The following EP400 variants were observed in gnomAD, a reference collection of about 807,000 sequenced individuals.
The protein encoded by EP400 is E1A-binding protein p400.
In EP400, 105 loss-of-function variants were observed where a neutral mutation model predicts 354.1. The observed-to-expected ratio is 0.30, with a 90% CI of 0.25 to 0.35. The LOEUF is 0.35. Among genes scored for constraint, EP400 ranks in the 10% least tolerant of loss-of-function variants. The pLI is 1.00. For synonymous variants in EP400, 1,646 were observed against 1,716.9 expected (o/e 0.96, Z 1.02); for missense variants, 3,280 against 4,121.0 (o/e 0.80, Z 5.59).
chr12:132,056,406 C>T (rs1225397562), intron 45 of EP400, among the ~76,000 whole-genome samples: 1 of 150,228 alleles, frequency 6.7e-6, no homozygotes, highest in South Asian at 2.1e-4. Flanking sequence ...GAAATAGACC[C>T]CTCCCCAACA....
At chr12:131,964,739 C>T (rs891247827) in intron 2 of EP400, among the ~76,000 whole-genome samples, 5 of 152,114 alleles carry the variant, frequency 3.3e-5, no homozygotes, top group African/African-American at 9.7e-5. Flanking sequence ...ATATCCTATT[C>T]TTTTATCTGT....
intron 30 of EP400, among the ~76,000 whole-genome samples, chr12:132,032,443 C>T (rs574958811): frequency 1.7e-4 from 26 of 152,308 alleles, no homozygotes; most frequent in Admixed American, 7.8e-4. Flanking sequence ...TGATGCTGCT[C>T]ACACAAGTCA....
Position 132,062,135 on chromosome 12 carries a change from A to G in EP400, c.7910A>G (p.Gln2637Arg), listed in dbSNP as rs1452420522. Residue 2637 changes from glutamine to arginine, a missense_variant, in exon 46 of 53, where the codon CAG becomes CGG. Coordinates refer to ENST00000389561, the MANE Select transcript of EP400 (RefSeq NM_015409.5). ...LTTPGGSAPA[Q>R]VVHTQPPPRA... ...ACGCCGGGAGGCTCTGCTCCCGCCC[A>G]GGTGGTGCACACCCAGCCCCCGCCA... 5.6e-6 allele frequency: 9 copies of G among 1,613,464 alleles called. No individual in the cohort carries two copies. The highest frequency in any genetic ancestry group is 1.7e-5 in the Admixed American group (1 of 59,982).
chr12:132,065,128 G>A (rs888412292), intron 48 of EP400: 11 of 707,868 alleles, frequency 1.6e-5, no homozygotes, highest in Admixed American at 1.5e-4. Context: ...TGAATTGAGG[G>A]GGGTGGAGAG....
Position 132,050,519 on chromosome 12 carries a change from G to C in EP400, c.7337+60G>C. ...TGACTGAGTAGATTGCGTGAAGCTTGGTTTTGATGTGTTTTTAACATACCC... is the reference window on the plus strand; with the variant it reads ...TGACTGAGTAGATTGCGTGAAGCTTCGTTTTGATGTGTTTTTAACATACCC... On this transcript the variant is annotated intron_variant, in intron 40 of 52. Transcript: ENST00000389561. The surrounding 1 kb of genome is among the most constrained non-coding windows in gnomAD (Gnocchi z 4.8). 6.2e-7 allele frequency: 1 copy of C among 1,612,776 alleles called. No homozygotes were observed. The highest frequency in any genetic ancestry group is 8.5e-7 in the Non-Finnish European group (1 of 1,178,914).
Position 131,982,119 on chromosome 12 carries a change from G to C in EP400, c.1570G>C (p.Ala524Pro). 6.5e-7 allele frequency: 1 copy of C among 1,545,128 alleles called. No homozygotes were observed. Among genetic ancestry groups the C allele is most frequent in the Non-Finnish European group, 8.7e-7 (1 of 1,145,048 alleles). The change falls in exon 5 of 53, where the codon GCG becomes CCG. Residue 524 changes from alanine to proline, a missense_variant. Ala to Pro is a conservative substitution (Grantham distance 27). Coordinates refer to ENST00000389561, the MANE Select transcript of EP400 (RefSeq NM_015409.5). Reference protein sequence around the residue: ...QGGMPPTPQAAQLAGQRQSQQ... With the variant: ...QGGMPPTPQAPQLAGQRQSQQ... Reference sequence around the variant, plus strand: ...AGGAATGCCCCCCACGCCGCAGGCCGCGCAGCTCGCTGGACAGAGGCAGAG... The same window carrying C: ...AGGAATGCCCCCCACGCCGCAGGCCCCGCAGCTCGCTGGACAGAGGCAGAG...
chr12:132,006,377 T>C, intron 14 of EP400, 75 bp downstream of exon 14: 1 of 1,501,900 alleles, frequency 6.7e-7, no homozygotes. Flanking sequence ...GAGAAAAGCT[T>C]TTCCTCTTCC....
Position 131,982,308 on chromosome 12 carries a change from C to G in EP400, c.1759C>G (p.Gln587Glu). Reference protein sequence around the residue: ...FAQQPQVVEAQTQLQIPVKTQ... With the variant: ...FAQQPQVVEAETQLQIPVKTQ... ...ACAGCAGCCGCAAGTGGTAGAGGCCCAGACACAGCTCCAAATCCCGGTGAA... is the reference window on the plus strand; with the variant it reads ...ACAGCAGCCGCAAGTGGTAGAGGCCGAGACACAGCTCCAAATCCCGGTGAA... Residue 587 changes from glutamine (Q) to glutamate (E), a missense_variant, in exon 5 of 53, where the codon CAG becomes GAG. Transcript: ENST00000389561. 2 of 1,614,156 alleles carry G rather than the reference C, an allele frequency of 1.2e-6. No individual in the cohort carries two copies. The highest frequency in any genetic ancestry group is 1.7e-5 in the Admixed American group (1 of 60,018).
intron 7 of EP400, 111 bp from the exon 8 acceptor site, chr12:131,989,843 TGTATATGACA>T: frequency 5.5e-6 from 6 of 1,099,476 alleles, no homozygotes; most frequent in Non-Finnish European, 6.4e-6. Context: ...CATACGAGGA[TGTATATGACA>T]GTGAATTGTA....
chr12:132,064,925 C>G, intron 48 of EP400, 39 bp downstream of exon 48: 1 of 1,559,080 alleles, frequency 6.4e-7, no homozygotes, highest in Non-Finnish European at 8.7e-7. Flanking sequence ...AAAGCAGCAT[C>G]TTTTTATGTT....
Position 132,027,948 on chromosome 12 carries a change from G to A in EP400, c.5110-69G>A. 6.5e-7 allele frequency: 1 copy of A among 1,539,050 alleles called. No homozygotes were observed. Among genetic ancestry groups the A allele is most frequent in the Non-Finnish European group, 8.9e-7 (1 of 1,128,242 alleles). On this transcript the variant is annotated intron_variant, in intron 26 of 52. Transcript: ENST00000389561. This position sits in a 1 kb window ranked among gnomAD's most constrained non-coding sequence, Gnocchi z 4.9. ...TGTGGGAAATCACGGGCTGGGTGGG[G>A]GGTTGGTGAAGACAGGAACTTGTCA... is the stretch of plus-strand genomic sequence containing the variant.
At position 132,032,049 on chromosome 12, in the gene EP400, A is replaced by G. The variant is rs756071640; in HGVS notation, c.5851A>G (p.Thr1951Ala). The G allele has an allele frequency of 6.2e-7, 1 of 1,614,122 alleles. No homozygotes were observed. Among genetic ancestry groups the G allele is most frequent in the East Asian group, 2.2e-5 (1 of 44,902 alleles). Residue 1951 changes from threonine (T) to alanine (A), a missense_variant, in exon 30 of 53, where the codon ACC (threonine) becomes GCC (alanine). Coordinates refer to ENST00000389561, the MANE Select transcript of EP400 (RefSeq NM_015409.5). ...AGGTATAAACCTTGTAGAGGCGGAC[A>G]CCGTCGTGTTTTATGACAATGACCT... ...TTGINLVEAD[T>A]VVFYDNDLNP...
chr12:131,961,950 A>G lies in EP400; in HGVS notation c.1331A>G (p.Asp444Gly). The G allele has an allele frequency of 1.2e-6, 2 of 1,610,578 alleles. No individual in the cohort carries two copies. Among genetic ancestry groups the G allele is most frequent in the Non-Finnish European group, 1.7e-6 (2 of 1,178,606 alleles). Residue 444 changes from aspartate (D) to glycine (G), a missense_variant, in exon 2 of 53, where the codon GAC (aspartate) becomes GGC (glycine). Asp to Gly is a moderately conservative substitution (Grantham distance 94). This residue lies in a region of EP400 where 800 missense variants were observed against 840.0 expected (regional missense o/e 0.95). Coordinates refer to ENST00000389561, the MANE Select transcript of EP400 (RefSeq NM_015409.5). ...GAAGAAAAATCTGAGGTTATCAATG[A>G]CGAGGTAAGAAACAGGAGTTAATTT... Reference protein sequence around the residue: ...EEEEKSEVINDEQQALAGSLV... With the variant: ...EEEEKSEVINGEQQALAGSLV...
At chr12:132,016,254 C>A (rs1174563668) in intron 19 of EP400, among the ~76,000 whole-genome samples, 1 of 152,232 alleles carries the variant, frequency 6.6e-6, no homozygotes, top group African/African-American at 2.4e-5. Flanking sequence ...TTTCGGTCTC[C>A]ACTCATTTCT....
chr12:132,030,077 G>A lies in EP400; in HGVS notation c.5673G>A (p.Leu1891=). Residue 1891 remains leucine, a synonymous_variant, in exon 29 of 53, where the codon TTG becomes TTA. Transcript: ENST00000389561. ...VLILSQMILM[L]DILEMFLNFH... ...TTTTATCACAGATGATTCTTATGTT[G>A]GACATTTTAGAGATGTTCTTGAACT... The A allele has an allele frequency of 6.2e-7, 1 of 1,614,190 alleles. No homozygotes were observed. Among genetic ancestry groups the A allele is most frequent in the Non-Finnish European group, 8.5e-7 (1 of 1,180,038 alleles).
At chr12:131,976,331 A>G (rs1024481445) in intron 2 of EP400, among the ~76,000 whole-genome samples, 7 of 152,118 alleles carry the variant, frequency 4.6e-5, no homozygotes, top group Admixed American at 6.6e-5. Context: ...ATTTTGTACA[A>G]TTGTGCATGA....
intron 15 of EP400, among the ~76,000 whole-genome samples, chr12:132,007,894 C>G (rs1347144225): frequency 6.6e-6 from 1 of 151,956 alleles, no homozygotes; most frequent in Non-Finnish European, 1.5e-5. Flanking sequence ...GGGTCTCAGT[C>G]CAAGTAGCTT....
At chr12:132,069,746 T>C in intron 51 of EP400, 105 bp downstream of exon 51, 1 of 1,498,298 alleles carries the variant, frequency 6.7e-7, no homozygotes, top group Non-Finnish European at 9.1e-7. Context: ...GCGGCTGCAC[T>C]GGGTGGTGCA....
chr12:132,038,077 T>C lies in EP400; in HGVS notation c.6188T>C (p.Ile2063Thr). Residue 2063 changes from isoleucine to threonine, a missense_variant, in exon 32 of 53, where the codon ATT becomes ACT. Physicochemically the swap from Ile to Thr is moderately conservative, Grantham distance 89. Transcript: ENST00000389561. This position sits in a 1 kb window ranked among gnomAD's most constrained non-coding sequence, Gnocchi z 4.2. ...GTCACGGAAACCATTGCACCCAAAA[T>C]TGCAAGACCTTTCATAGAGGTAAGA... Reference protein sequence around the residue: ...PSVTETIAPKIARPFIEALKS... With the variant: ...PSVTETIAPKTARPFIEALKS... The C allele has an allele frequency of 6.2e-7, 1 of 1,614,196 alleles. No individual in the cohort carries two copies. Among genetic ancestry groups the C allele is most frequent in the Non-Finnish European group, 8.5e-7 (1 of 1,180,044 alleles).
Sources: allele counts gnomAD v4.1 joint callset (sites outside exome capture counted in the v4.1 genomes callset), GRCh38; gene constraint gnomAD v4.1.1; regional missense constraint gnomAD v4.1.1; non-coding constraint Gnocchi (gnomAD v3.1); transcripts MANE v1.5; gene names NCBI Gene and HGNC (gene_info 2026-07-23, HGNC 2026-07-21).